MBD4: variants seen among roughly 807,000 people sequenced by gnomAD.
MBD4 encodes the protein methyl-CpG-binding domain protein 4.
MBD4 carries 53 observed loss-of-function variants against 60.2 expected under a neutral mutation model. The observed-to-expected ratio is 0.88, with a 90% CI of 0.71 to 1.11. The LOEUF is 1.11. MBD4 is among the 50% of genes least tolerant of loss of function. The pLI is 0.00. For missense variants in MBD4, 619 were observed against 674.0 expected (o/e 0.92, Z 0.90); for synonymous variants, 231 against 229.8 (o/e 1.01, Z -0.05).
In MBD4 at chr3:129,436,553, A is replaced by G. The variant is rs1320763810; in HGVS notation, c.1091T>C (p.Val364Ala). Reference sequence around the variant, plus strand: ...ATGCAAATGTTCTTTCCTTTCCACAACTTCTACTTTTGTTCCGATTTCTTC... The same window carrying G: ...ATGCAAATGTTCTTTCCTTTCCACAGCTTCTACTTTTGTTCCGATTTCTTC... ...ESEEIGTKVE[V>A]VERKEHLHTD... is the part of the protein sequence containing the mutation. Residue 364 changes from valine to alanine, a missense_variant, in exon 3 of 8, where the codon GTT (valine) becomes GCT (alanine). Val to Ala is a moderately conservative substitution (Grantham distance 64). Transcript: ENST00000429544. 2.5e-6 allele frequency: 4 copies of G among 1,613,976 alleles called. No individual in the cohort carries two copies. Among genetic ancestry groups the G allele is most frequent in the Admixed American group, 3.3e-5 (2 of 60,004 alleles).
chr3:129,431,835 T>C (rs1315298972), intron 7 of MBD4, among the ~76,000 whole-genome samples: 1 of 152,186 alleles, frequency 6.6e-6, no homozygotes, highest in African/African-American at 2.4e-5. Flanking sequence ...GGCGATAACA[T>C]GAGTCAAGTA....
At chr3:129,437,665 A>T in intron 2 of MBD4, 55 bp downstream of exon 2, 1 of 1,250,804 alleles carries the variant, frequency 8.0e-7, no homozygotes, top group Non-Finnish European at 1.2e-6. Context: ...TGCTCCCACT[A>T]CCTGCCCAGA....
Position 129,436,884 on chromosome 3 carries a change from A to C in MBD4, c.760T>G (p.Cys254Gly), listed in dbSNP as rs2072474125. 1.9e-6 allele frequency: 3 copies of C among 1,614,044 alleles called. No homozygotes were observed. Among genetic ancestry groups the C allele is most frequent in the Non-Finnish European group, 2.5e-6 (3 of 1,180,014 alleles). Reference sequence around the variant, plus strand: ...CTATCACTTTGAACAAAACCTGAACAGCTCTTCCTACATCCTTTTTTAGTT... The same window carrying C: ...CTATCACTTTGAACAAAACCTGAACCGCTCTTCCTACATCCTTTTTTAGTT... ...KKTKKGCRKS[C>G]SGFVQSDSKR... is the part of the protein sequence containing the mutation. The change falls in exon 3 of 8, where the codon TGT becomes GGT. Residue 254 changes from cysteine to glycine, a missense_variant. Transcript: ENST00000429544.
intron 1 of MBD4, among the ~76,000 whole-genome samples, chr3:129,438,989 T>G (rs2072609212): frequency 6.6e-6 from 1 of 152,038 alleles, no homozygotes; most frequent in South Asian, 2.1e-4. Flanking sequence ...TCTTCTATGA[T>G]GAAAACATAC....
chr3:129,434,886 T>C (rs1290179989), intron 3 of MBD4, among the ~76,000 whole-genome samples: 1 of 152,216 alleles, frequency 6.6e-6, no homozygotes, highest in East Asian at 1.9e-4. Flanking sequence ...AGAACCTCTA[T>C]CTATTGGGAA....
rs2072470061 is a variant in MBD4, at chr3:129,436,752, C to T, written c.892G>A (p.Glu298Lys). The T allele has an allele frequency of 6.2e-7, 1 of 1,614,000 alleles. No individual in the cohort carries two copies. The highest frequency in any genetic ancestry group is 8.5e-7 in the Non-Finnish European group (1 of 1,179,956). Residue 298 changes from glutamate (E) to lysine (K), a missense_variant, in exon 3 of 8, where the codon GAG (glutamate) becomes AAG (lysine). Transcript: ENST00000429544. The part of the protein sequence containing the change: ...VCISDAGACG[E>K]TLSVTSEENS... ...TCTTCACTGGTCACACTGAGGGTCT[C>T]ACCACATGCTCCAGCATCAGAAATG...
intron 3 of MBD4, among the ~76,000 whole-genome samples, chr3:129,435,024 A>G (rs560621530): frequency 2.4e-4 from 36 of 152,274 alleles, no homozygotes; most frequent in African/African-American, 8.4e-4. Context: ...CTCATTTTAC[A>G]ATATTTTTGA....
intron 1 of MBD4, among the ~76,000 whole-genome samples, chr3:129,439,064 G>C (rs1390728991): frequency 6.6e-6 from 1 of 152,178 alleles, no homozygotes; most frequent in Non-Finnish European, 1.5e-5. Context: ...GATTGTAAAA[G>C]GTGGATGGGT....
Position 129,439,795 on chromosome 3 carries a change from G to A in MBD4, c.39C>T (p.Asp13=). Reference sequence around the variant, plus strand: ...AGGTGACGGTGGGGGCAGCTCCGCGGTCCCCCAGACTCAGACTCTCCAGCC... The same window carrying A: ...AGGTGACGGTGGGGGCAGCTCCGCGATCCCCCAGACTCAGACTCTCCAGCC... The part of the protein sequence containing the change: ...TTGLESLSLG[D]RGAAPTVTSS... The change falls in exon 1 of 8, where the codon GAC becomes GAT. Residue 13 remains aspartate, a synonymous_variant. Coordinates refer to ENST00000429544, the MANE Select transcript of MBD4 (RefSeq NM_001276270.2). 6.2e-7 allele frequency: 1 copy of A among 1,610,580 alleles called. No homozygotes were observed. Among genetic ancestry groups the A allele is most frequent in the Non-Finnish European group, 8.5e-7 (1 of 1,178,912 alleles).
At chr3:129,432,116 C>G in intron 7 of MBD4, 5 of 1,186,586 alleles carry the variant, frequency 4.2e-6, no homozygotes, top group Non-Finnish European at 5.4e-6. Flanking sequence ...CAAACGTAGT[C>G]TGAGACCACT....
chr3:129,433,480 C>T, intron 5 of MBD4: 1 of 605,010 alleles, frequency 1.7e-6, no homozygotes, highest in Non-Finnish European at 2.9e-6. Context: ...ACTGGCCTTG[C>T]ATGATTAGCT....
Position 129,439,877 on chromosome 3 carries a change from C to T in MBD4, c.-44G>A. On this transcript the variant is annotated 5_prime_UTR_variant, in exon 1 of 8. Transcript: ENST00000429544. ...AGCAACGAGCCCAGCGCCGCAACGC[C>T]CAGGGTGTGGGGCGGAGTAAGATGT... 7.5e-7 allele frequency: 1 copy of T among 1,339,224 alleles called. No homozygotes were observed. Among genetic ancestry groups the T allele is most frequent in the East Asian group, 2.3e-5 (1 of 43,254 alleles). 83.0% of individuals were successfully genotyped at this position (1,339,224 alleles called of 1,614,324 possible). A position where few individuals can be genotyped will look rare whatever the true frequency, so the allele number is the denominator to read the frequency against.
rs1488155323 is a variant in MBD4, at chr3:129,431,352, T to C, written c.*149A>G. On this transcript the variant is annotated 3_prime_UTR_variant, in exon 8 of 8. Transcript: ENST00000429544. Reference sequence around the variant, plus strand: ...CACATTCAGTAGCAAAGATCCACCATTGGCACACACATTAAGAAAGCACAC... The same window carrying C: ...CACATTCAGTAGCAAAGATCCACCACTGGCACACACATTAAGAAAGCACAC... The C allele has an allele frequency of 3.3e-5, 23 of 688,376 alleles. No homozygotes were observed. Among genetic ancestry groups the C allele is most frequent in the Middle Eastern group, 2.7e-4 (1 of 3,692 alleles). 42.6% of individuals were successfully genotyped at this position (688,376 alleles called of 1,614,324 possible).
At chr3:129,438,489 G>A (rs1213422116) in intron 1 of MBD4, among the ~76,000 whole-genome samples, 3 of 152,184 alleles carry the variant, frequency 2.0e-5, no homozygotes, top group East Asian at 3.9e-4. Flanking sequence ...AACCTTGTAG[G>A]TACAATAAGG....
intron 1 of MBD4, among the ~76,000 whole-genome samples, chr3:129,438,660 C>G (rs1475055943): frequency 6.6e-6 from 1 of 151,620 alleles, no homozygotes; most frequent in African/African-American, 2.4e-5. Flanking sequence ...AATGCTAGCA[C>G]TTTGGGAGGA....
intron 5 of MBD4, chr3:129,433,493 T>C: frequency 3.3e-6 from 2 of 600,138 alleles, no homozygotes; most frequent in Non-Finnish European, 5.9e-6. Context: ...GATTAGCTTT[T>C]AAATGATCAG....
intron 3 of MBD4, 96 bp from the exon 4 acceptor site, chr3:129,434,232 T>C (rs2107751864): frequency 2.1e-6 from 2 of 950,400 alleles, no homozygotes; most frequent in East Asian, 4.9e-5. Flanking sequence ...TTACAAAGCA[T>C]GCCAGGCACT....
At position 129,436,784 on chromosome 3, in the gene MBD4, G is replaced by A. The variant is rs769058530; in HGVS notation, c.860C>T (p.Thr287Ile). ...TGCTCCAGCATCAGAAATGCAGACA[G>A]TTCTATCAAGCTGACTTTTTTGTGC... ...PVAQKSQLDR[T>I]VCISDAGACG... is the part of the protein sequence containing the mutation. The change falls in exon 3 of 8, where the codon ACT (threonine) becomes ATT (isoleucine). Residue 287 changes from threonine (T) to isoleucine (I), a missense_variant. Thr to Ile is a moderately conservative substitution (Grantham distance 89). Transcript: ENST00000429544. 1 of 1,614,072 alleles carries A rather than the reference G, an allele frequency of 6.2e-7. No individual in the cohort carries two copies. The highest frequency in any genetic ancestry group is 8.5e-7 in the Non-Finnish European group (1 of 1,180,006).
chr3:129,439,616 T>G, intron 1 of MBD4, 114 bp downstream of exon 1: 1 of 779,464 alleles, frequency 1.3e-6, no homozygotes, highest in Non-Finnish European at 2.3e-6. Flanking sequence ...CCCGTGGGCT[T>G]CGAGGTTTCT....
Sources: allele counts gnomAD v4.1 joint callset (sites outside exome capture counted in the v4.1 genomes callset), GRCh38; gene constraint gnomAD v4.1.1; transcripts MANE v1.5; gene names NCBI Gene and HGNC (gene_info 2026-07-23, HGNC 2026-07-21).